The following ANK3 variants were observed in gnomAD, a reference collection of about 807,000 sequenced individuals.
ANK3 encodes the protein ankyrin-3.
A neutral mutation model predicts 370.9 loss-of-function variants in ANK3; 57 were observed. That is an observed-to-expected ratio of 0.15 (90% confidence interval 0.12 to 0.19). The LOEUF is 0.19. Among genes scored for constraint, ANK3 ranks in the 10% least tolerant of loss-of-function variants. The probability of loss-of-function intolerance (pLI) is 1.00; values close to 1 mark genes in which losing one functional copy is unlikely to be tolerated. For missense variants in ANK3, 4,439 were observed against 5,302.1 expected (o/e 0.84, Z 5.06); for synonymous variants, 1,929 against 1,946.3 (o/e 0.99, Z 0.23).
chr10:60,648,354 T>G (rs1159762090), intron 1 of ANK3, among the ~76,000 whole-genome samples: 2 of 139,610 alleles, frequency 1.4e-5, no homozygotes, highest in African/African-American at 5.3e-5. Context: ...AGAGACAGGA[T>G]TTCACTATGT....
At chr10:60,558,304 A>G (rs1249489336) in intron 2 of ANK3, among the ~76,000 whole-genome samples, 1 of 152,238 alleles carries the variant, frequency 6.6e-6, no homozygotes, top group African/African-American at 2.4e-5. Context: ...TTGTCTTAAA[A>G]TACAAACAGT....
At chr10:60,550,597 T>C (rs1269345027) in intron 2 of ANK3, among the ~76,000 whole-genome samples, 1 of 152,014 alleles carries the variant, frequency 6.6e-6, no homozygotes, top group Non-Finnish European at 1.5e-5. Context: ...TAAAAGACAG[T>C]AAAATACACT....
At chr10:60,418,167 G>A (rs1410041796) in intron 2 of ANK3, among the ~76,000 whole-genome samples, 1 of 152,106 alleles carries the variant, frequency 6.6e-6, no homozygotes, top group Non-Finnish European at 1.5e-5. Context: ...CCGGCCTCCT[G>A]ATATGCACTG....
intron 8 of ANK3, among the ~76,000 whole-genome samples, chr10:60,214,475 T>C (rs972776285): frequency 1.3e-5 from 2 of 152,118 alleles, no homozygotes; most frequent in South Asian, 2.1e-4. Flanking sequence ...GGTGGTTTGC[T>C]GTACCTATTG....
Position 60,469,065 on chromosome 10 carries a change from GTA to G in ANK3, c.96+146119_96+146120del, listed in dbSNP as rs36231232. On this transcript the variant is annotated intron_variant, in intron 2 of 43. Coordinates refer to the ANK3 transcript ENST00000373827. ...TATATATATATATATACCACTTTTAGTATATATATATATATATATATATATAT... is the reference window on the plus strand; with the variant it reads ...TATATATATATATATACCACTTTTAGTATATATATATATATATATATATAT... Among the ~76,000 whole-genome samples, 61 of 24,308 alleles carry G rather than the reference GTA, an allele frequency of 2.5e-3. 5 individuals are homozygous for G. Among genetic ancestry groups the G allele is most frequent in the African/African-American group, 0.011 (53 of 4,988 alleles). 15.9% of individuals were successfully genotyped at this position (24,308 alleles called of 152,430 possible).
chr10:60,713,626 A>G (rs1245654166), intron 1 of ANK3, among the ~76,000 whole-genome samples: 1 of 152,208 alleles, frequency 6.6e-6, no homozygotes, highest in East Asian at 1.9e-4. Context: ...TGCAGTGCTC[A>G]TGCCTGTAAT....
chr10:60,665,770 TG>T (rs1434627196), intron 1 of ANK3, among the ~76,000 whole-genome samples: 7 of 152,236 alleles, frequency 4.6e-5, no homozygotes, highest in African/African-American at 1.7e-4. Context: ...TCAACCACCG[TG>T]TAATAACATA....
Position 60,463,151 on chromosome 10 carries a change from G to A in ANK3, c.96+152035C>T, listed in dbSNP as rs374458109. ...AGTCCTGGTATCCAGTGATCCATGC[G>A]CCTTGGCCTCCCAAAGTGCTGGGGT... On this transcript the variant is annotated intron_variant, in intron 2 of 43. Transcript: ENST00000373827. Among the ~76,000 whole-genome samples, 12 of 152,214 alleles carry A rather than the reference G, an allele frequency of 7.9e-5. No homozygotes were observed. In the South Asian group the frequency reaches 1.2e-3, roughly 16 times the overall value.
Position 60,641,042 on chromosome 10 carries a change from A to G in ANK3, c.58-25818T>C, listed in dbSNP as rs1392237843. Among the ~76,000 whole-genome samples, 5 of 150,596 alleles carry G rather than the reference A, an allele frequency of 3.3e-5. No homozygotes were observed. In the South Asian group the frequency reaches 8.6e-4, roughly 26 times the overall value. On this transcript the variant is annotated intron_variant, in intron 1 of 43. Transcript: ENST00000373827. ...ACTCCCATTCACAATTGCTTCAAAG[A>G]GAATAAAATACCTAGGAATTCAACT...
intron 2 of ANK3, among the ~76,000 whole-genome samples, chr10:60,494,247 A>T (rs547906808): frequency 9.0e-4 from 137 of 152,286 alleles, no homozygotes; most frequent in Non-Finnish European, 1.5e-3. Flanking sequence ...GATAGAAAAA[A>T]AATGTATCCA....
At chr10:60,209,901 G>T (rs1365811397) in intron 9 of ANK3, among the ~76,000 whole-genome samples, 1 of 152,190 alleles carries the variant, frequency 6.6e-6, no homozygotes, top group African/African-American at 2.4e-5. Context: ...CAATGATTGT[G>T]TGGATGGGAA....
intron 2 of ANK3, among the ~76,000 whole-genome samples, chr10:60,470,910 C>T (rs1386297029): frequency 6.6e-6 from 1 of 152,124 alleles, no homozygotes; most frequent in African/African-American, 2.4e-5. Flanking sequence ...CCACATCCCC[C>T]AAACAAACCC....
intron 16 of ANK3, among the ~76,000 whole-genome samples, chr10:60,189,823 A>T (rs952356033): frequency 6.6e-6 from 1 of 152,248 alleles, no homozygotes; most frequent in Non-Finnish European, 1.5e-5. Context: ...AATAAAAGCA[A>T]ATGCAATTTG....
chr10:60,234,072 C>A (rs993683226), intron 8 of ANK3, among the ~76,000 whole-genome samples: 1 of 152,158 alleles, frequency 6.6e-6, no homozygotes, highest in South Asian at 2.1e-4. Context: ...TAGCATGCAA[C>A]AAGATTTCCT....
At position 60,538,524 on chromosome 10, in the gene ANK3, C is replaced by G. The variant is rs561422382; in HGVS notation, c.96+76662G>C. On this transcript the variant is annotated intron_variant, in intron 2 of 43. Transcript: ENST00000373827. ...TTCATCAAGCCTTTTGCTTTAATCA[C>G]TCTACTTGGAGGTTTGTTCAAGTAT... Among the ~76,000 whole-genome samples, 3 of 151,980 alleles carry G rather than the reference C, an allele frequency of 2.0e-5. No individual in the cohort carries two copies. In the East Asian group the frequency reaches 5.8e-4, roughly 29 times the overall value.
intron 2 of ANK3, among the ~76,000 whole-genome samples, chr10:60,457,923 C>T (rs1472826028): frequency 1.3e-5 from 2 of 152,068 alleles, no homozygotes; most frequent in East Asian, 1.9e-4. Context: ...CAGGAACAGG[C>T]ACAATCACGG....
At chr10:60,087,723 C>A (rs1300503511) in intron 29 of ANK3, among the ~76,000 whole-genome samples, 1 of 152,108 alleles carries the variant, frequency 6.6e-6, no homozygotes, top group Non-Finnish European at 1.5e-5. Flanking sequence ...GCCAGCTTTC[C>A]AAACCAAATC....
chr10:60,660,164 G>A (rs1395777593), intron 1 of ANK3, among the ~76,000 whole-genome samples: 5 of 152,092 alleles, frequency 3.3e-5, no homozygotes, highest in Non-Finnish European at 7.4e-5. Flanking sequence ...TAAATTTTGA[G>A]CTGTGTCAGA....
intron 1 of ANK3, among the ~76,000 whole-genome samples, chr10:60,338,133 C>G (rs778802927): frequency 6.6e-6 from 1 of 152,168 alleles, no homozygotes; most frequent in Non-Finnish European, 1.5e-5. Context: ...GCTCCCACTT[C>G]TCTGCACTCT....
Sources: gnomAD v4.1 joint callset for allele counts (sites outside exome capture counted in the v4.1 genomes callset) on GRCh38, gnomAD v4.1.1 for gene constraint, MANE v1.5 for transcripts, NCBI Gene and HGNC (gene_info 2026-07-23, HGNC 2026-07-21) for gene names.